The following PTGES3 variants were observed in gnomAD, a reference collection of about 807,000 sequenced individuals.
PTGES3 encodes the protein Hsp90 co-chaperone.
Under a neutral mutation model 29.9 loss-of-function variants are expected in PTGES3, and 5 were observed. The ratio of observed to expected loss-of-function variants is 0.17; its 90% CI spans 0.09 to 0.35. The LOEUF (loss-of-function observed/expected upper bound fraction) is 0.35. Ranked by LOEUF, PTGES3 falls within the 10% of genes least tolerant of loss-of-function variation. The probability of loss-of-function intolerance (pLI) is 1.00; values close to 1 mark genes in which losing one functional copy is unlikely to be tolerated. For synonymous variants in PTGES3, 49 were observed against 57.8 expected (o/e 0.85, Z 0.69); for missense variants, 128 against 190.0 (o/e 0.67, Z 1.92).
chr12:56,672,778 A>C lies in PTGES3; in HGVS notation c.148T>G (p.Leu50Val). Residue 50 changes from leucine to valine, a missense_variant, in exon 3 of 8, where the codon TTA becomes GTA. Transcript: ENST00000262033. ...CAGTGAAAAAGATCAATTTCATTTA[A>C]ATGCTTAAAATTATCACTTCCTCCG... ...CLGGSDNFKHLNEIDLFHCID... is the reference protein window; with the variant it reads ...CLGGSDNFKHVNEIDLFHCID... The C allele has an allele frequency of 6.3e-7, 1 of 1,592,044 alleles. No homozygotes were observed. Among genetic ancestry groups the C allele is most frequent in the Non-Finnish European group, 8.5e-7 (1 of 1,170,202 alleles).
intron 1 of PTGES3, among the ~76,000 whole-genome samples, chr12:56,685,402 T>TC (rs1555221790): frequency 3.5e-4 from 7 of 19,944 alleles, no homozygotes; most frequent in East Asian, 6.7e-3. Context: ...TTCTTTTCTT[T>TC]TTTTTTTTTT....
chr12:56,682,461 C>A (rs1286270489), intron 1 of PTGES3, among the ~76,000 whole-genome samples: 1 of 151,856 alleles, frequency 6.6e-6, no homozygotes, highest in Non-Finnish European at 1.5e-5. Flanking sequence ...ACTGGGGGAC[C>A]AAGGCAGGAG....
At position 56,671,827 on chromosome 12, in the gene PTGES3, C is replaced by T. The variant is rs200475824; in HGVS notation, c.207G>A (p.Thr69=). 4.0e-5 allele frequency: 62 copies of T among 1,555,312 alleles called. No individual in the cohort carries two copies. In the African/African-American group the frequency reaches 5.3e-4, roughly 13 times the overall value. ...GTAAACAACATAAAATTGATCTGTCCGTTCTTTTATGCTTGGAATCCTAAA... is the reference window on the plus strand; with the variant it reads ...GTAAACAACATAAAATTGATCTGTCTGTTCTTTTATGCTTGGAATCCTAAA... ...IDPNDSKHKR[T]DRSILCCLRK... is the part of the protein sequence containing the mutation. Residue 69 remains threonine (T), a synonymous_variant, in exon 4 of 8, where the codon ACG becomes ACA. Transcript: ENST00000262033.
chr12:56,663,672 T>G lies in PTGES3; in HGVS notation c.*807A>C, dbSNP rs1951687403. The G allele has an allele frequency of 6.6e-6, 1 of 152,366 alleles. No homozygotes were observed. The highest frequency in any genetic ancestry group is 1.5e-5 in the Non-Finnish European group (1 of 67,986). The allele number at this position is 152,366 out of a possible 1,614,324, so 9.4% of individuals were successfully genotyped here. On this transcript the variant is annotated 3_prime_UTR_variant, in exon 8 of 8. Transcript: ENST00000262033. ...CCACTGTCATGAACATAAATTGAGGTTTTCAGCCCGGGTATAAGCTGAATC... is the reference window on the plus strand; with the variant it reads ...CCACTGTCATGAACATAAATTGAGGGTTTCAGCCCGGGTATAAGCTGAATC...
chr12:56,682,965 G>C (rs946617507), intron 1 of PTGES3, among the ~76,000 whole-genome samples: 3 of 151,684 alleles, frequency 2.0e-5, no homozygotes, highest in Non-Finnish European at 2.9e-5. Flanking sequence ...CTGCACTGCA[G>C]TCTGGGCAAC....
chr12:56,675,076 C>T (rs1231943758), intron 1 of PTGES3, among the ~76,000 whole-genome samples: 4 of 145,810 alleles, frequency 2.7e-5, no homozygotes, highest in East Asian at 2.1e-4. Flanking sequence ...CAGAGGCAGG[C>T]GGATCACGAG....
At chr12:56,670,048 G>C (rs536924251) in intron 5 of PTGES3, among the ~76,000 whole-genome samples, 1 of 147,996 alleles carries the variant, frequency 6.8e-6, no homozygotes, top group South Asian at 2.2e-4. Context: ...ATTAACTTTT[G>C]TAACTTTTGT....
intron 1 of PTGES3, among the ~76,000 whole-genome samples, chr12:56,682,173 G>A (rs1008181666): frequency 6.6e-6 from 1 of 152,082 alleles, no homozygotes; most frequent in Non-Finnish European, 1.5e-5. Flanking sequence ...AATGAAGTGT[G>A]GCTTCATGTG....
At chr12:56,677,959 A>G (rs1161541601) in intron 1 of PTGES3, among the ~76,000 whole-genome samples, 5 of 152,140 alleles carry the variant, frequency 3.3e-5, no homozygotes, top group Admixed American at 2.0e-4. Flanking sequence ...TTATTCAGAA[A>G]GTTTTATAGT....
At chr12:56,672,641 G>A (rs1321260153) in intron 3 of PTGES3, 99 bp downstream of exon 3, 1 of 1,337,562 alleles carries the variant, frequency 7.5e-7, no homozygotes, top group South Asian at 2.0e-5. Flanking sequence ...TTGCCTCACT[G>A]TTAAGAAAAA....
intron 1 of PTGES3, among the ~76,000 whole-genome samples, chr12:56,685,358 G>T (rs1305723948): frequency 6.6e-6 from 1 of 150,910 alleles, no homozygotes. Flanking sequence ...CTCTTCAAGT[G>T]GCATTGAATC....
intron 1 of PTGES3, among the ~76,000 whole-genome samples, chr12:56,679,569 A>G (rs1487965368): frequency 6.6e-6 from 1 of 152,190 alleles, no homozygotes; most frequent in South Asian, 2.1e-4. Context: ...CACAATGGTT[A>G]TGAGTTTAGC....
intron 1 of PTGES3, among the ~76,000 whole-genome samples, chr12:56,681,645 T>G (rs1952548879): frequency 1.3e-5 from 2 of 150,878 alleles, no homozygotes; most frequent in Admixed American, 1.3e-4. Context: ...GTCAGGAATT[T>G]GAGACCAGCC....
rs775649735 is a variant in PTGES3 at position 56,688,008 on chromosome 12, G to A, written c.-9C>T. On this transcript the variant is annotated 5_prime_UTR_variant, in exon 1 of 8. Coordinates refer to ENST00000262033, the MANE Select transcript of PTGES3 (RefSeq NM_006601.7). Reference sequence around the variant, plus strand: ...GGGTGTCGCACTCACATTGTGAACGGGGCAGGGGGACGGGCGAACTGGTGG... The same window carrying A: ...GGGTGTCGCACTCACATTGTGAACGAGGCAGGGGGACGGGCGAACTGGTGG... 5 of 1,551,696 alleles carry A rather than the reference G, an allele frequency of 3.2e-6. No homozygotes were observed. The highest frequency in any genetic ancestry group is 1.9e-5 in the Admixed American group (1 of 51,446).
chr12:56,685,399 C>CTTTT (rs143526249), intron 1 of PTGES3, among the ~76,000 whole-genome samples: 2 of 131,168 alleles, frequency 1.5e-5, no homozygotes, highest in African/African-American at 3.0e-5. Context: ...TTTTTCTTTT[C>CTTTT]TTTTTTTTTT....
chr12:56,665,192 T>C (rs1288886116), intron 6 of PTGES3: 1 of 985,208 alleles, frequency 1.0e-6, no homozygotes. Context: ...ATTAAATAAC[T>C]TTCTGGGAGA....
chr12:56,686,212 ATGT>A (rs1367667974), intron 1 of PTGES3, among the ~76,000 whole-genome samples: 1 of 151,928 alleles, frequency 6.6e-6, no homozygotes, highest in African/African-American at 2.4e-5. Context: ...GCGAAAAGAT[ATGT>A]TGTTTGGCTC....
chr12:56,675,737 CATT>C (rs1004946089), intron 1 of PTGES3, among the ~76,000 whole-genome samples: 16 of 152,008 alleles, frequency 1.1e-4, no homozygotes, highest in African/African-American at 3.4e-4. Flanking sequence ...GCCTGGCAAA[CATT>C]ATGAAACCCC....
At chr12:56,683,268 G>T (rs1454599760) in intron 1 of PTGES3, among the ~76,000 whole-genome samples, 2 of 151,070 alleles carry the variant, frequency 1.3e-5, no homozygotes, top group Admixed American at 6.6e-5. Flanking sequence ...GTGATCACCT[G>T]AAGTCGGGAG....
Sources: allele counts gnomAD v4.1 joint callset (sites outside exome capture counted in the v4.1 genomes callset), GRCh38; gene constraint gnomAD v4.1.1; transcripts MANE v1.5; gene names NCBI Gene and HGNC (gene_info 2026-07-23, HGNC 2026-07-21).